Variants in PCDHGA6 observed in about 807,000 individuals in gnomAD.
The protein encoded by PCDHGA6 is protocadherin gamma subfamily A, 6.
In PCDHGA6, 41 loss-of-function variants were observed where a neutral mutation model predicts 60.6. The ratio of observed to expected loss-of-function variants is 0.68; its 90% CI spans 0.53 to 0.88. The LOEUF is 0.88. PCDHGA6 is among the 40% of genes least tolerant of loss of function. The pLI, the probability that PCDHGA6 is intolerant of heterozygous loss-of-function variation, is 0.00. For synonymous variants in PCDHGA6, 594 were observed against 524.4 expected (o/e 1.13, Z -1.81); for missense variants, 1,312 against 1,203.0 (o/e 1.09, Z -1.34).
In PCDHGA6 at chr5:141,511,074, C is replaced by G; in HGVS notation, c.2700C>G (p.Ser900Arg). 1.2e-6 allele frequency: 2 copies of G among 1,614,238 alleles called. No homozygotes were observed. The highest frequency in any genetic ancestry group is 1.7e-6 in the Non-Finnish European group (2 of 1,180,040). ...GCCAGAATGTCTACATCCCAGGCAGCAATGCCACACTGACCAACGCAGCTG... is the reference window on the plus strand; with the variant it reads ...GCCAGAATGTCTACATCCCAGGCAGGAATGCCACACTGACCAACGCAGCTG... The part of the protein sequence containing the change: ...DYRQNVYIPG[S>R]NATLTNAAGK... Residue 900 changes from serine (S) to arginine (R), a missense_variant, in exon 4 of 4, where the codon AGC becomes AGG. Coordinates refer to ENST00000517434, the MANE Select transcript of PCDHGA6 (RefSeq NM_018919.3).
intron 1 of PCDHGA6, among the ~76,000 whole-genome samples, chr5:141,474,187 T>A (rs2099345004): frequency 6.6e-6 from 1 of 152,210 alleles, no homozygotes; most frequent in South Asian, 2.1e-4. Context: ...ACTACTTACA[T>A]TTTTAAAAGC....
intron 1 of PCDHGA6, among the ~76,000 whole-genome samples, chr5:141,482,314 A>G (rs1279804501): frequency 6.6e-6 from 1 of 152,180 alleles, no homozygotes; most frequent in Admixed American, 6.5e-5. Flanking sequence ...TTCCTCATCT[A>G]TAAAATAAAG....
At position 141,431,639 on chromosome 5, in the gene PCDHGA6, C is replaced by T; in HGVS notation, c.2424+55132C>T. 1 of 1,614,262 alleles carries T rather than the reference C, an allele frequency of 6.2e-7. No homozygotes were observed. The highest frequency in any genetic ancestry group is 8.5e-7 in the Non-Finnish European group (1 of 1,180,046). On this transcript the variant is annotated intron_variant, in intron 1 of 3. Transcript: ENST00000517434. This position sits in a 1 kb window ranked among gnomAD's most constrained non-coding sequence, Gnocchi z 4.8. Reference sequence around the variant, plus strand: ...CGACAAGGCGGCCCAAGTTTTCAAACTAGATTGTAATTCAGGGACAATATC... The same window carrying T: ...CGACAAGGCGGCCCAAGTTTTCAAATTAGATTGTAATTCAGGGACAATATC...
At chr5:141,415,176 C>G (rs773987499) in intron 1 of PCDHGA6, 17 of 1,613,816 alleles carry the variant, frequency 1.1e-5, no homozygotes, top group Non-Finnish European at 5.1e-6. Flanking sequence ...TCACCGTGGC[C>G]GTGGCCGACA....
Position 141,487,535 on chromosome 5 carries a change from G to A in PCDHGA6, c.2425-7272G>A. 6.2e-7 allele frequency: 1 copy of A among 1,614,154 alleles called. No individual in the cohort carries two copies. Among genetic ancestry groups the A allele is most frequent in the South Asian group, 1.1e-5 (1 of 91,084 alleles). ...CACTCGGAGTGATAGCTTCATGATG[G>A]TGAAGTCACCCAGTGCACCTATGGC... On this transcript the variant is annotated intron_variant, in intron 1 of 3. Transcript: ENST00000517434. This position sits in a 1 kb window ranked among gnomAD's most constrained non-coding sequence, Gnocchi z 5.0.
chr5:141,413,137 T>C, intron 1 of PCDHGA6: 1 of 1,550,612 alleles, frequency 6.4e-7, no homozygotes, highest in Non-Finnish European at 8.7e-7. Flanking sequence ...ACACAACGTG[T>C]CCAGTGAGGA....
intron 1 of PCDHGA6, among the ~76,000 whole-genome samples, chr5:141,446,153 AT>A (rs1158236808): frequency 1.3e-5 from 2 of 152,362 alleles, no homozygotes; most frequent in East Asian, 3.9e-4. Flanking sequence ...TAGGTGGAAT[AT>A]AAATTTCATG....
chr5:141,478,116 C>T (rs145816520), intron 1 of PCDHGA6: 1 of 1,613,974 alleles, frequency 6.2e-7, no homozygotes, highest in Non-Finnish European at 8.5e-7. Flanking sequence ...GTGTCAGTAA[C>T]CGAGGACTCT....
At position 141,432,001 on chromosome 5, in the gene PCDHGA6, G is replaced by T. The variant is rs755338230; in HGVS notation, c.2424+55494G>T. On this transcript the variant is annotated intron_variant, in intron 1 of 3. Coordinates refer to ENST00000517434, the MANE Select transcript of PCDHGA6 (RefSeq NM_018919.3). This position sits in a 1 kb window ranked among gnomAD's most constrained non-coding sequence, Gnocchi z 6.0. Reference sequence around the variant, plus strand: ...CAGACATAGTCTTGGATAGGGAACAGGTTCCTAGCTACAACATCACAGTGA... The same window carrying T: ...CAGACATAGTCTTGGATAGGGAACATGTTCCTAGCTACAACATCACAGTGA... 4 of 1,614,220 alleles carry T rather than the reference G, an allele frequency of 2.5e-6. No homozygotes were observed. In the East Asian group the frequency reaches 8.9e-5, roughly 36 times the overall value.
chr5:141,435,542 A>C (rs1402711516), intron 1 of PCDHGA6, among the ~76,000 whole-genome samples: 1 of 152,146 alleles, frequency 6.6e-6, no homozygotes, highest in Non-Finnish European at 1.5e-5. Flanking sequence ...GAATTAACAA[A>C]ATGTGTTTTG....
At chr5:141,417,770 T>G in intron 1 of PCDHGA6, 1 of 1,456,418 alleles carries the variant, frequency 6.9e-7, no homozygotes, top group Non-Finnish European at 9.1e-7. Context: ...CCGGGACTCC[T>G]CCTGTCCTGG....
chr5:141,394,962 A>G (rs971000405), intron 1 of PCDHGA6: 8 of 1,613,710 alleles, frequency 5.0e-6, no homozygotes, highest in Non-Finnish European at 6.8e-6. Context: ...GCTCAGGCTG[A>G]GGCGCTGGCA....
chr5:141,420,075 G>A (rs893749179), intron 1 of PCDHGA6: 17 of 1,613,944 alleles, frequency 1.1e-5, no homozygotes, highest in Admixed American at 6.7e-5. Context: ...GGACCTGTGG[G>A]TCCCCCCAAC....
chr5:141,431,447 G>C lies in PCDHGA6; in HGVS notation c.2424+54940G>C. ...GCGCACAGGCACCGCGCGCATCCGC[G>C]TGATGGTTCTGGATGCGAACGACAA... is the stretch of plus-strand genomic sequence containing the variant. On this transcript the variant is annotated intron_variant, in intron 1 of 3. Coordinates refer to ENST00000517434, the MANE Select transcript of PCDHGA6 (RefSeq NM_018919.3). The surrounding 1 kb of genome is among the most constrained non-coding windows in gnomAD (Gnocchi z 4.8). The C allele has an allele frequency of 6.2e-7, 1 of 1,613,792 alleles. No individual in the cohort carries two copies. Among genetic ancestry groups the C allele is most frequent in the Non-Finnish European group, 8.5e-7 (1 of 1,180,014 alleles).
Position 141,476,682 on chromosome 5 carries a change from A to G in PCDHGA6, c.2425-18125A>G, listed in dbSNP as rs987205396. The G allele has an allele frequency of 6.2e-7, 1 of 1,614,072 alleles. No individual in the cohort carries two copies. Among genetic ancestry groups the G allele is most frequent in the African/African-American group, 1.3e-5 (1 of 74,934 alleles). ...GCGCTTCGCGTGCAGACGCGGGAGG[A>G]CAGCACCAAGTACGCGGAGCTGGTG... On this transcript the variant is annotated intron_variant, in intron 1 of 3. Coordinates refer to ENST00000517434, the MANE Select transcript of PCDHGA6 (RefSeq NM_018919.3). The surrounding 1 kb of genome is among the most constrained non-coding windows in gnomAD (Gnocchi z 7.6).
chr5:141,492,962 C>T (rs1197532146), intron 1 of PCDHGA6, among the ~76,000 whole-genome samples: 2 of 152,258 alleles, frequency 1.3e-5, no homozygotes, highest in Non-Finnish European at 2.9e-5. Context: ...CTATCTGACA[C>T]TCTAACAAGT....
intron 1 of PCDHGA6, chr5:141,400,116 C>G (rs2093964416): frequency 6.2e-7 from 1 of 1,614,086 alleles, no homozygotes; most frequent in African/African-American, 1.3e-5. Context: ...TTGCTGACAG[C>G]TTGCAGGAGG....
intron 1 of PCDHGA6, among the ~76,000 whole-genome samples, chr5:141,469,031 C>T (rs963001535): frequency 1.3e-5 from 2 of 152,070 alleles, no homozygotes; most frequent in Admixed American, 6.6e-5. Flanking sequence ...AATCCCAGCA[C>T]TTTGGGAGGC....
chr5:141,383,342 C>T, intron 1 of PCDHGA6: 2 of 1,613,958 alleles, frequency 1.2e-6, no homozygotes, highest in Non-Finnish European at 1.7e-6. Flanking sequence ...AATACAGCTC[C>T]TGGGGTTCGG....
Sources: gnomAD v4.1 joint callset for allele counts (sites outside exome capture counted in the v4.1 genomes callset) on GRCh38, gnomAD v4.1.1 for gene constraint, Gnocchi (gnomAD v3.1) non-coding constraint, MANE v1.5 for transcripts, NCBI Gene and HGNC (gene_info 2026-07-23, HGNC 2026-07-21) for gene names.